The following BMP7 variants were observed in gnomAD, a reference collection of about 807,000 sequenced individuals.
The protein encoded by BMP7 is osteogenic protein 1.
Under a neutral mutation model 41.2 loss-of-function variants are expected in BMP7, and 12 were observed. The ratio of observed to expected loss-of-function variants is 0.29; its 90% CI spans 0.19 to 0.47. The LOEUF is 0.47. Ranked by LOEUF, BMP7 falls within the 20% of genes least tolerant of loss-of-function variation. The pLI, the probability that BMP7 is intolerant of heterozygous loss-of-function variation, is 0.99. For synonymous variants in BMP7, 248 were observed against 250.0 expected, an observed-to-expected ratio of 0.99 and a Z score of 0.07; for missense variants, 467 against 606.0, an observed-to-expected ratio of 0.77 and a Z score of 2.41.
chr20:57,202,678 T>A, intron 2 of BMP7, 55 bp from the exon 3 acceptor site: 1 of 1,170,066 alleles, frequency 8.5e-7, no homozygotes, highest in African/African-American at 1.6e-5. Context: ...ACAGCTCCAC[T>A]ACCCCAACAG....
chr20:57,243,858 G>C (rs2066079353), intron 1 of BMP7: 1 of 152,268 alleles, frequency 6.6e-6, no homozygotes, highest in Non-Finnish European at 1.5e-5. Context: ...TGAGAGACCT[G>C]CTGACCTGTT....
rs147536455 is a variant in BMP7, at chr20:57,172,444, A to T, written c.1146+756T>A. On this transcript the variant is annotated intron_variant, in intron 6 of 6. Coordinates refer to ENST00000395863, the MANE Select transcript of BMP7 (RefSeq NM_001719.3). ...ACACACAGGACAGGGACAAGAAAAG[A>T]AGGAGGCAGATTACTAAATGAAAGG... Among the ~76,000 whole-genome samples the T allele has an allele frequency of 6.6e-5, 10 of 152,352 alleles. No individual in the cohort carries two copies. The East Asian group carries it at 1.9e-3, about 29-fold the overall frequency.
At chr20:57,250,286 TA>T (rs2066106834) in intron 1 of BMP7, among the ~76,000 whole-genome samples, 1 of 98,060 alleles carries the variant, frequency 1.0e-5, no homozygotes, top group Non-Finnish European at 1.9e-5. Context: ...ATATAGAGTA[TA>T]TTTTTATTAA....
chr20:57,185,506 G>A (rs1018402752), intron 3 of BMP7, among the ~76,000 whole-genome samples: 1 of 152,264 alleles, frequency 6.6e-6, no homozygotes, highest in African/African-American at 2.4e-5. Context: ...CCAAGGTAGG[G>A]AAACTGAGGC....
chr20:57,216,117 C>T (rs934409939), intron 2 of BMP7, among the ~76,000 whole-genome samples: 11 of 152,112 alleles, frequency 7.2e-5, no homozygotes, highest in East Asian at 1.9e-4. Flanking sequence ...CTTATTCTCA[C>T]GGTAGCATCC....
In BMP7 at chr20:57,259,772, C is replaced by T. The variant is rs2066146829; in HGVS notation, c.418+5933G>A. ...CTCTAATATCCCCCCAAATCATAAACACTCTACTTTGGAGCGGAAAAAAAT... is the reference window on the plus strand; with the variant it reads ...CTCTAATATCCCCCCAAATCATAAATACTCTACTTTGGAGCGGAAAAAAAT... On this transcript the variant is annotated intron_variant, in intron 1 of 6. Coordinates refer to ENST00000395863, the MANE Select transcript of BMP7 (RefSeq NM_001719.3). This position sits in a 1 kb window ranked among gnomAD's most constrained non-coding sequence, Gnocchi z 4.7. 2.6e-5 allele frequency among the ~76,000 whole-genome samples: 4 copies of T among 152,316 alleles called. No individual in the cohort carries two copies. In the South Asian group the frequency reaches 6.2e-4, roughly 24 times the overall value.
At chr20:57,247,220 A>C (rs1412720991) in intron 1 of BMP7, among the ~76,000 whole-genome samples, 1 of 152,184 alleles carries the variant, frequency 6.6e-6, no homozygotes, top group Non-Finnish European at 1.5e-5. Context: ...TGTGATTCAA[A>C]CTGCTTAAGA....
chr20:57,223,235 A>AG (rs59084262), intron 2 of BMP7, among the ~76,000 whole-genome samples: 4 of 144,642 alleles, frequency 2.8e-5, no homozygotes, highest in South Asian at 2.2e-4. Flanking sequence ...ATCTCAAAAA[A>AG]AAAAAAAAAA....
chr20:57,186,606 G>A (rs568108082), intron 3 of BMP7, among the ~76,000 whole-genome samples: 35 of 152,322 alleles, frequency 2.3e-4, no homozygotes, highest in Non-Finnish European at 4.9e-4. Flanking sequence ...CCCAGGTGAG[G>A]ATGACGGGGA....
intron 6 of BMP7, among the ~76,000 whole-genome samples, chr20:57,172,260 C>T (rs1356314068): frequency 6.6e-6 from 1 of 152,112 alleles, no homozygotes; most frequent in Non-Finnish European, 1.5e-5. Flanking sequence ...AGCCTAAGGA[C>T]CTTCAATCCC....
At chr20:57,263,900 C>A (rs2066163193) in intron 1 of BMP7, among the ~76,000 whole-genome samples, 1 of 152,062 alleles carries the variant, frequency 6.6e-6, no homozygotes, top group Non-Finnish European at 1.5e-5. Flanking sequence ...CGCCTCTCTA[C>A]CCCTCCAGTA....
Position 57,262,463 on chromosome 20 carries a change from C to T in BMP7, c.418+3242G>A, listed in dbSNP as rs77315711. 1.2e-4 allele frequency among the ~76,000 whole-genome samples: 18 copies of T among 152,296 alleles called. No individual in the cohort carries two copies. In the East Asian group the frequency reaches 2.5e-3, roughly 21 times the overall value. The stretch of plus-strand genomic sequence containing the variant: ...CCTCATTCCCACCACCTGGTTTTGT[C>T]GTAAATTCCCCTCTAGTTTCCCCTC... On this transcript the variant is annotated intron_variant, in intron 1 of 6. Transcript: ENST00000395863.
chr20:57,188,344 G>C (rs1367268874), intron 3 of BMP7, among the ~76,000 whole-genome samples: 2 of 152,170 alleles, frequency 1.3e-5, no homozygotes, highest in Non-Finnish European at 2.9e-5. Context: ...GAAGAAGCCA[G>C]ATACAAAAGC....
chr20:57,255,450 G>T (rs953457693), intron 1 of BMP7, among the ~76,000 whole-genome samples: 1 of 152,140 alleles, frequency 6.6e-6, no homozygotes, highest in Non-Finnish European at 1.5e-5. Flanking sequence ...TGATGAAGGG[G>T]TCTCTGAATT....
intron 1 of BMP7, among the ~76,000 whole-genome samples, chr20:57,241,870 G>T (rs558597650): frequency 1.3e-5 from 2 of 152,332 alleles, no homozygotes; most frequent in South Asian, 4.1e-4. Flanking sequence ...GGGTTTAGGG[G>T]ATGGGGCAGG....
chr20:57,251,613 C>A (rs1010285042), intron 1 of BMP7, among the ~76,000 whole-genome samples: 1 of 152,158 alleles, frequency 6.6e-6, no homozygotes, highest in African/African-American at 2.4e-5. Context: ...TCACTGTCTG[C>A]AGAAGGACAA....
intron 2 of BMP7, among the ~76,000 whole-genome samples, chr20:57,226,501 G>A (rs1197760451): frequency 1.3e-5 from 2 of 152,314 alleles, no homozygotes; most frequent in East Asian, 1.9e-4. Context: ...TAGAACAGAG[G>A]AGCCAGCGTG....
chr20:57,236,113 C>T (rs979466034), intron 1 of BMP7, among the ~76,000 whole-genome samples: 1 of 152,226 alleles, frequency 6.6e-6, no homozygotes, highest in African/African-American at 2.4e-5. Flanking sequence ...CACTATCAAT[C>T]TTGACTGGCT....
intron 2 of BMP7, among the ~76,000 whole-genome samples, chr20:57,223,942 C>T (rs577172902): frequency 2.2e-4 from 33 of 152,360 alleles, no homozygotes; most frequent in South Asian, 1.9e-3. Flanking sequence ...GCCCGAGGGC[C>T]GCCCTGTGAG....
Sources: gnomAD v4.1 joint callset for allele counts (sites outside exome capture counted in the v4.1 genomes callset) on GRCh38, gnomAD v4.1.1 for gene constraint, Gnocchi (gnomAD v3.1) non-coding constraint, MANE v1.5 for transcripts, NCBI Gene and HGNC (gene_info 2026-07-23, HGNC 2026-07-21) for gene names.